Variants in BBX observed in about 807,000 individuals in gnomAD.
The protein encoded by BBX is BBX high mobility group box domain containing, also known as HMG box transcription factor BBX.
Under a neutral mutation model 100.2 loss-of-function variants are expected in BBX, and 30 were observed. The ratio of observed to expected loss-of-function variants is 0.30; its 90% CI spans 0.22 to 0.41. BBX has a LOEUF of 0.41. BBX is among the 10% of genes least tolerant of loss of function. BBX has a pLI of 1.00. For synonymous variants in BBX, 376 were observed against 388.1 expected (o/e 0.97, Z 0.37); for missense variants, 1,023 against 1,129.8 (o/e 0.91, Z 1.35).
chr3:107,743,065 C>T (rs1373300485), intron 7 of BBX, among the ~76,000 whole-genome samples: 1 of 151,990 alleles, frequency 6.6e-6, no homozygotes. Context: ...AGTGGAGCAA[C>T]TCTAAATAAT....
chr3:107,655,538 A>T (rs1245955018), intron 3 of BBX, among the ~76,000 whole-genome samples: 3 of 132,426 alleles, frequency 2.3e-5, no homozygotes, highest in Admixed American at 1.6e-4. Context: ...TTTTTTTAAG[A>T]GATAAGGGCT....
intron 3 of BBX, among the ~76,000 whole-genome samples, chr3:107,692,344 C>G (rs183326359): frequency 2.0e-5 from 3 of 152,018 alleles, no homozygotes; most frequent in Non-Finnish European, 2.9e-5. Flanking sequence ...ATCCCTCCCC[C>G]CTCACCCCAC....
intron 2 of BBX, among the ~76,000 whole-genome samples, chr3:107,591,671 A>G (rs932503840): frequency 4.6e-5 from 7 of 152,092 alleles, no homozygotes; most frequent in Admixed American, 1.3e-4. Flanking sequence ...TATTTTTTGT[A>G]CAGATGAAGT....
chr3:107,778,720 G>C lies in BBX; in HGVS notation c.2203+201G>C, dbSNP rs548389751. On this transcript the variant is annotated intron_variant, in intron 13 of 17. Coordinates refer to ENST00000325805, the MANE Select transcript of BBX (RefSeq NM_001142568.3). The stretch of plus-strand genomic sequence containing the variant: ...GTAGCCTCTGTCCATTGGCATCTCA[G>C]TCTGTATATTTGCCCGTGATGGTGT... Among the ~76,000 whole-genome samples the C allele has an allele frequency of 5.3e-5, 8 of 151,950 alleles. No homozygotes were observed. In the East Asian group the frequency reaches 9.7e-4, roughly 18 times the overall value.
intron 2 of BBX, among the ~76,000 whole-genome samples, chr3:107,577,579 G>A (rs1264955548): frequency 6.6e-6 from 1 of 152,026 alleles, no homozygotes; most frequent in Non-Finnish European, 1.5e-5. Context: ...TGATTATTAG[G>A]CATAAGGAAT....
chr3:107,764,883 A>G (rs1388908071), intron 10 of BBX, among the ~76,000 whole-genome samples: 1 of 152,204 alleles, frequency 6.6e-6, no homozygotes, highest in Non-Finnish European at 1.5e-5. Context: ...GTGCACATCC[A>G]TGCATACATT....
intron 3 of BBX, 83 bp from the exon 4 acceptor site, chr3:107,710,369 G>A (rs1416481317): frequency 8.9e-7 from 1 of 1,125,036 alleles, no homozygotes. Context: ...TAAACTAATT[G>A]TAATCAAATT....
chr3:107,710,531 A>C lies in BBX; in HGVS notation c.71A>C (p.Lys24Thr). Residue 24 changes from lysine to threonine, a missense_variant, in exon 4 of 18, where the codon AAG (lysine) becomes ACG (threonine). This residue lies in a region of BBX where 229 missense variants were observed against 226.3 expected (regional missense o/e 1.01). Coordinates refer to ENST00000325805, the MANE Select transcript of BBX (RefSeq NM_001142568.3). ...GGGGTTGGAAAACGACCAAAACGAA[A>C]GTGTCTTCAGTGGCATCCATTGCTA... The part of the protein sequence containing the change: ...GEGVGKRPKR[K>T]CLQWHPLLAK... The C allele has an allele frequency of 6.2e-7, 1 of 1,613,920 alleles. No homozygotes were observed. The highest frequency in any genetic ancestry group is 8.5e-7 in the Non-Finnish European group (1 of 1,179,898).
intron 8 of BBX, among the ~76,000 whole-genome samples, chr3:107,747,515 A>T (rs1280278378): frequency 6.6e-6 from 1 of 152,128 alleles, no homozygotes; most frequent in African/African-American, 2.4e-5. Context: ...AGATACCCTG[A>T]CCCATATCCA....
In BBX at chr3:107,810,149, T is replaced by A. The variant is rs928654700; in HGVS notation, c.*4692T>A. 2 of 150,256 alleles carry A rather than the reference T, an allele frequency of 1.3e-5. No homozygotes were observed. Among genetic ancestry groups the A allele is most frequent in the East Asian group, 3.9e-4 (2 of 5,068 alleles). 9.3% of individuals were successfully genotyped at this position (150,256 alleles called of 1,614,324 possible). On this transcript the variant is annotated 3_prime_UTR_variant, in exon 18 of 18. Transcript: ENST00000325805. ...AAAAAGACAAATGTATTTGACTCCC[T>A]CATAATCCCCATCTGTATGTGCTAC... is the stretch of plus-strand genomic sequence containing the variant.
chr3:107,637,561 G>A (rs556656127), intron 2 of BBX, among the ~76,000 whole-genome samples: 9 of 152,324 alleles, frequency 5.9e-5, no homozygotes, highest in Non-Finnish European at 7.4e-5. Context: ...CTCTGTCTTG[G>A]TTGTGTGGTC....
intron 2 of BBX, among the ~76,000 whole-genome samples, chr3:107,562,537 G>A (rs1042627139): frequency 6.6e-6 from 1 of 151,944 alleles, no homozygotes; most frequent in Non-Finnish European, 1.5e-5. Context: ...TTAACTGAAT[G>A]GAATAGAATT....
chr3:107,556,438 G>A (rs1418460868), intron 2 of BBX, among the ~76,000 whole-genome samples: 3 of 152,120 alleles, frequency 2.0e-5, no homozygotes, highest in Non-Finnish European at 2.9e-5. Context: ...AACTTTCAGA[G>A]CCCTTCTCCC....
rs141071317 is a variant in BBX at position 107,655,736 on chromosome 3, T to G, written c.-10+9827T>G. Among the ~76,000 whole-genome samples the G allele has an allele frequency of 5.5e-3, 839 of 151,672 alleles. 6 individuals are homozygous for G. Among genetic ancestry groups the G allele is most frequent in the African/African-American group, 0.019 (806 of 41,402 alleles). Reference sequence around the variant, plus strand: ...TTTTTTTTGAGACGGAGTCTTGCTCTGTCCCCCAGGCTGGAATGCAGTGAC... The same window carrying G: ...TTTTTTTTGAGACGGAGTCTTGCTCGGTCCCCCAGGCTGGAATGCAGTGAC... On this transcript the variant is annotated intron_variant, in intron 3 of 17. Coordinates refer to ENST00000325805, the MANE Select transcript of BBX (RefSeq NM_001142568.3).
At chr3:107,583,446 G>A (rs553729786) in intron 2 of BBX, among the ~76,000 whole-genome samples, 69 of 151,814 alleles carry the variant, frequency 4.5e-4, no homozygotes, top group Non-Finnish European at 8.5e-4. Context: ...GAGTGACTGA[G>A]TAGTTTTTTT....
At position 107,808,772 on chromosome 3, in the gene BBX, C is replaced by T. The variant is rs1410569757; in HGVS notation, c.*3315C>T. On this transcript the variant is annotated 3_prime_UTR_variant, in exon 18 of 18. Coordinates refer to ENST00000325805, the MANE Select transcript of BBX (RefSeq NM_001142568.3). ...CAAAACTGTTAATTCATTAAAACCCCTTTTAAAAGGTAAATTCTACTGTTG... is the reference window on the plus strand; with the variant it reads ...CAAAACTGTTAATTCATTAAAACCCTTTTTAAAAGGTAAATTCTACTGTTG... 1 of 152,182 alleles carries T rather than the reference C, an allele frequency of 6.6e-6. No homozygotes were observed. Among genetic ancestry groups the T allele is most frequent in the Non-Finnish European group, 1.5e-5 (1 of 68,036 alleles). The allele number at this position is 152,182 out of a possible 1,614,324, so 9.4% of individuals were successfully genotyped here.
At position 107,588,489 on chromosome 3, in the gene BBX, G is replaced by C. The variant is rs115876159; in HGVS notation, c.-83-57347G>C. 5.2e-3 allele frequency among the ~76,000 whole-genome samples: 794 copies of C among 152,200 alleles called. 3 individuals carry two copies. Among genetic ancestry groups the C allele is most frequent in the Non-Finnish European group, 8.4e-3 (572 of 68,010 alleles). On this transcript the variant is annotated intron_variant, in intron 2 of 17. Transcript: ENST00000325805. ...AGATGCAGGTGGAAGGATGAGAGGG[G>C]TGTGGCACACATTGCACTCACAGAA...
intron 16 of BBX, among the ~76,000 whole-genome samples, chr3:107,799,489 A>G (rs1217658257): frequency 6.6e-6 from 1 of 152,282 alleles, no homozygotes; most frequent in East Asian, 1.9e-4. Flanking sequence ...TAGGACTGTC[A>G]TCTTCCCTTT....
chr3:107,538,405 C>A (rs1272506299), intron 2 of BBX, among the ~76,000 whole-genome samples: 1 of 151,936 alleles, frequency 6.6e-6, no homozygotes, highest in Admixed American at 6.6e-5. Flanking sequence ...GTTTCTTTTT[C>A]TTTAATTTTT....
Sources: gnomAD v4.1 joint callset for allele counts (sites outside exome capture counted in the v4.1 genomes callset) on GRCh38, gnomAD v4.1.1 for gene constraint, gnomAD v4.1.1 regional missense constraint, MANE v1.5 for transcripts, NCBI Gene and HGNC (gene_info 2026-07-23, HGNC 2026-07-21) for gene names.